The following PKNOX2 variants were observed in gnomAD, a reference collection of about 807,000 sequenced individuals.
The protein encoded by PKNOX2 is PBX/knotted 1 homeobox 2.
Under a neutral mutation model 53.1 loss-of-function variants are expected in PKNOX2, and 14 were observed. The ratio of observed to expected loss-of-function variants is 0.26; its 90% CI spans 0.17 to 0.41. PKNOX2 has a LOEUF of 0.41. Among genes scored for constraint, PKNOX2 ranks in the 10% least tolerant of loss-of-function variants. The probability of loss-of-function intolerance (pLI) is 1.00; values close to 1 mark genes in which losing one functional copy is unlikely to be tolerated. For synonymous variants in PKNOX2, 257 were observed against 242.8 expected, an observed-to-expected ratio of 1.06 and a Z score of -0.54; for missense variants, 496 against 602.8, an observed-to-expected ratio of 0.82 and a Z score of 1.85.
chr11:125,272,446 CAGA>C (rs1447491931), intron 2 of PKNOX2, among the ~76,000 whole-genome samples: 4 of 152,170 alleles, frequency 2.6e-5, no homozygotes, highest in Admixed American at 2.0e-4. Context: ...GACAGAGATG[CAGA>C]AGGTTTGACT....
chr11:125,164,872 G>GT (rs925132349), intron 1 of PKNOX2, 96 bp downstream of exon 1: 245 of 170,224 alleles, frequency 1.4e-3, no homozygotes, highest in Non-Finnish European at 2.3e-3. Flanking sequence ...CTCAGAGCGC[G>GT]TGTGTTTTAT....
chr11:125,387,468 C>T (rs540431914), intron 6 of PKNOX2, among the ~76,000 whole-genome samples: 12 of 152,336 alleles, frequency 7.9e-5, no homozygotes, highest in Non-Finnish European at 1.3e-4. Flanking sequence ...CCACCAAGAA[C>T]GGCCTCCCAT....
chr11:125,345,244 C>A (rs1298045107), intron 3 of PKNOX2, among the ~76,000 whole-genome samples: 1 of 152,186 alleles, frequency 6.6e-6, no homozygotes, highest in Non-Finnish European at 1.5e-5. Flanking sequence ...CTTAGTCCTC[C>A]CCTCCAGGAG....
chr11:125,433,267 C>T lies in PKNOX2; in HGVS notation c.*1875C>T, dbSNP rs1399076250. 2 of 152,900 alleles carry T rather than the reference C, an allele frequency of 1.3e-5. No homozygotes were observed. Among genetic ancestry groups the T allele is most frequent in the African/African-American group, 2.4e-5 (1 of 41,472 alleles). The allele number at this position is 152,900 out of a possible 1,614,324, so 9.5% of individuals were successfully genotyped here. On this transcript the variant is annotated 3_prime_UTR_variant, in exon 13 of 13. Coordinates refer to ENST00000298282, the MANE Select transcript of PKNOX2 (RefSeq NM_001382323.2). ...CACGGACACACTGGCACACAGGTGC[C>T]CACATCTCTTCCTCTCAGCCCCTCC...
At chr11:125,189,542 C>T (rs897533691) in intron 1 of PKNOX2, among the ~76,000 whole-genome samples, 13 of 139,634 alleles carry the variant, frequency 9.3e-5, no homozygotes, top group African/African-American at 3.2e-4. Context: ...AACAATCAGT[C>T]GTCTTTAGAT....
intron 3 of PKNOX2, among the ~76,000 whole-genome samples, chr11:125,346,489 TG>T (rs1950976742): frequency 6.6e-6 from 1 of 152,188 alleles, no homozygotes; most frequent in South Asian, 2.1e-4. Context: ...CTACTGGATG[TG>T]GAATCCAGAA....
intron 5 of PKNOX2, among the ~76,000 whole-genome samples, chr11:125,382,015 T>C (rs1288576132): frequency 6.6e-6 from 1 of 152,160 alleles, no homozygotes; most frequent in African/African-American, 2.4e-5. Flanking sequence ...CTAGTGCTAG[T>C]AGCTGGGGGA....
intron 2 of PKNOX2, among the ~76,000 whole-genome samples, chr11:125,270,789 C>T (rs879673146): frequency 6.6e-6 from 1 of 152,182 alleles, no homozygotes; most frequent in Non-Finnish European, 1.5e-5. Flanking sequence ...TTTCATGTTT[C>T]CCAGGATAGG....
intron 2 of PKNOX2, among the ~76,000 whole-genome samples, chr11:125,296,758 C>T: frequency 6.6e-6 from 1 of 152,194 alleles, no homozygotes; most frequent in Non-Finnish European, 1.5e-5. Context: ...GCTTCAGCCT[C>T]CCAAGTAGCT....
At chr11:125,218,200 C>T (rs12788338) in intron 1 of PKNOX2, among the ~76,000 whole-genome samples, 2,120 of 152,168 alleles carry the variant, frequency 0.014, 30 homozygotes, top group Non-Finnish European at 0.02. Context: ...GGGGGCGCTC[C>T]GTTCAGGTTT....
At chr11:125,367,363 C>A (rs889732345) in intron 4 of PKNOX2, among the ~76,000 whole-genome samples, 7 of 152,164 alleles carry the variant, frequency 4.6e-5, no homozygotes, top group African/African-American at 1.4e-4. Flanking sequence ...GCCATTCAGT[C>A]ATCCTTCAAA....
intron 1 of PKNOX2, among the ~76,000 whole-genome samples, chr11:125,192,169 GTCTC>G (rs950125824): frequency 2.0e-5 from 3 of 152,056 alleles, no homozygotes; most frequent in Non-Finnish European, 2.9e-5. Context: ...ATTCCAGCAG[GTCTC>G]TCTGAGTCTC....
At position 125,243,813 on chromosome 11, in the gene PKNOX2, G is replaced by A. The variant is rs555455718; in HGVS notation, c.-130+8698G>A. On this transcript the variant is annotated intron_variant, in intron 2 of 12. Transcript: ENST00000298282. The stretch of plus-strand genomic sequence containing the variant: ...AATTTTTTGTATTTTTAGTAGAGAC[G>A]GGGTTTCACTGTGTTAGACAGGATG... Among the ~76,000 whole-genome samples the A allele has an allele frequency of 2.4e-3, 371 of 152,128 alleles. 2 individuals are homozygous for A. Among genetic ancestry groups the A allele is most frequent in the Non-Finnish European group, 2.8e-3 (192 of 67,976 alleles).
intron 1 of PKNOX2, among the ~76,000 whole-genome samples, chr11:125,170,556 G>T (rs1387285435): frequency 6.6e-6 from 1 of 152,226 alleles, no homozygotes; most frequent in Non-Finnish European, 1.5e-5. Context: ...GTCAAGCAGA[G>T]CTTGAGAAGA....
At chr11:125,213,068 G>A (rs191512289) in intron 1 of PKNOX2, among the ~76,000 whole-genome samples, 42 of 152,084 alleles carry the variant, frequency 2.8e-4, no homozygotes, top group East Asian at 5.8e-4. Flanking sequence ...CCTCTCTCTC[G>A]GCCTCCTTGG....
chr11:125,429,889 C>T, intron 11 of PKNOX2, 74 bp from the exon 12 acceptor site: 3 of 1,485,870 alleles, frequency 2.0e-6, no homozygotes, highest in Non-Finnish European at 2.7e-6. Context: ...CTGAAGGCAG[C>T]TTCACCCTCC....
chr11:125,344,435 T>C (rs1950867713), intron 3 of PKNOX2, among the ~76,000 whole-genome samples: 2 of 152,250 alleles, frequency 1.3e-5, no homozygotes, highest in Non-Finnish European at 2.9e-5. Flanking sequence ...CTCTTACCAT[T>C]TCCAAAGCAT....
At chr11:125,197,954 C>T (rs2135386320) in intron 1 of PKNOX2, among the ~76,000 whole-genome samples, 1 of 152,368 alleles carries the variant, frequency 6.6e-6, no homozygotes. Flanking sequence ...TCCCTGCAAA[C>T]CACACTAGCA....
intron 1 of PKNOX2, among the ~76,000 whole-genome samples, chr11:125,196,725 G>C (rs573994847): frequency 6.6e-6 from 1 of 152,296 alleles, no homozygotes; most frequent in South Asian, 2.1e-4. Context: ...CATTGGACTC[G>C]ATCATGTCCA....
Sources: gnomAD v4.1 joint callset for allele counts (sites outside exome capture counted in the v4.1 genomes callset) on GRCh38, gnomAD v4.1.1 for gene constraint, MANE v1.5 for transcripts, NCBI Gene and HGNC (gene_info 2026-07-23, HGNC 2026-07-21) for gene names.